The following PIBF1 variants were observed in gnomAD, a reference collection of about 807,000 sequenced individuals.
PIBF1 encodes the protein progesterone immunomodulatory binding factor 1.
Under a neutral mutation model 112.5 loss-of-function variants are expected in PIBF1, and 90 were observed. The observed-to-expected ratio is 0.80, with a 90% CI of 0.67 to 0.95. The LOEUF is 0.95. PIBF1 is among the 40% of genes least tolerant of loss of function. PIBF1 has a pLI of 0.00. For synonymous variants in PIBF1, 301 were observed against 288.6 expected, an observed-to-expected ratio of 1.04 and a Z score of -0.44; for missense variants, 915 against 852.3, an observed-to-expected ratio of 1.07 and a Z score of -0.92.
intron 6 of PIBF1, among the ~76,000 whole-genome samples, 194 bp from the exon 7 acceptor site, chr13:72,826,816 T>C (rs1226765947): frequency 6.6e-6 from 1 of 152,214 alleles, no homozygotes; most frequent in Admixed American, 6.5e-5. Context: ...TTGATATGTA[T>C]GTATTTGAAC....
intron 16 of PIBF1, among the ~76,000 whole-genome samples, chr13:72,989,450 A>T (rs1223175456): frequency 6.6e-6 from 1 of 152,204 alleles, no homozygotes; most frequent in Non-Finnish European, 1.5e-5. Context: ...CTTTAAAAAC[A>T]TTATACTAAG....
chr13:72,935,781 G>C (rs912930592), intron 14 of PIBF1, among the ~76,000 whole-genome samples: 1 of 152,014 alleles, frequency 6.6e-6, no homozygotes, highest in Non-Finnish European at 1.5e-5. Flanking sequence ...CTCTAATGAC[G>C]AATGATTTTG....
chr13:72,868,489 T>C (rs1472370066), intron 10 of PIBF1, among the ~76,000 whole-genome samples: 2 of 152,140 alleles, frequency 1.3e-5, no homozygotes, highest in Non-Finnish European at 2.9e-5. Flanking sequence ...ATATAAGTAG[T>C]TTACAGGAAA....
intron 9 of PIBF1, among the ~76,000 whole-genome samples, chr13:72,847,039 T>C (rs903691714): frequency 2.6e-5 from 4 of 152,234 alleles, no homozygotes; most frequent in Non-Finnish European, 4.4e-5. Flanking sequence ...TTTGAAGATA[T>C]ATAGTAGTTA....
At chr13:72,794,963 G>A (rs2035118284) in intron 3 of PIBF1, among the ~76,000 whole-genome samples, 1 of 152,118 alleles carries the variant, frequency 6.6e-6, no homozygotes, top group African/African-American at 2.4e-5. Flanking sequence ...AATACCTTAT[G>A]GTGGTTCAGT....
intron 10 of PIBF1, among the ~76,000 whole-genome samples, chr13:72,877,334 C>G (rs2039452010): frequency 6.6e-6 from 1 of 152,040 alleles, no homozygotes; most frequent in South Asian, 2.1e-4. Flanking sequence ...ATGTTGGTCT[C>G]TTGGTTTCTT....
intron 11 of PIBF1, among the ~76,000 whole-genome samples, chr13:72,896,024 C>A (rs1406591376): frequency 6.6e-6 from 1 of 152,096 alleles, no homozygotes. Context: ...TCCCTGACAA[C>A]CTGCATGACT....
At chr13:72,907,497 G>A (rs2040741692) in intron 11 of PIBF1, among the ~76,000 whole-genome samples, 1 of 152,022 alleles carries the variant, frequency 6.6e-6, no homozygotes, top group South Asian at 2.1e-4. Flanking sequence ...AGTAGCAATA[G>A]TACTTTTCAA....
At chr13:73,009,253 C>G (rs2044126235) in intron 17 of PIBF1, among the ~76,000 whole-genome samples, 1 of 152,146 alleles carries the variant, frequency 6.6e-6, no homozygotes, top group African/African-American at 2.4e-5. Context: ...GTCGTGTGGC[C>G]ACACCTAGCA....
At chr13:73,012,106 C>T (rs926975682) in intron 17 of PIBF1, among the ~76,000 whole-genome samples, 2 of 152,130 alleles carry the variant, frequency 1.3e-5, no homozygotes, top group African/African-American at 4.8e-5. Flanking sequence ...AATCCCAATG[C>T]TTTGGGAGGC....
rs576410307 is a variant in PIBF1, at chr13:72,826,160, C to CA, written c.807-846dup. On this transcript the variant is annotated intron_variant, in intron 6 of 17. Coordinates refer to ENST00000326291, the MANE Select transcript of PIBF1 (RefSeq NM_006346.4). ...TAAACATTCTAAAAATAAAAAAGCACAAAATACGTATAGTAATATGTATCA... is the reference window on the plus strand; with the variant it reads ...TAAACATTCTAAAAATAAAAAAGCACAAAAATACGTATAGTAATATGTATCA... Among the ~76,000 whole-genome samples, 102 of 151,418 alleles carry CA rather than the reference C, an allele frequency of 6.7e-4. No homozygotes were observed. The Middle Eastern group carries it at 0.01, about 15-fold the overall frequency.
intron 13 of PIBF1, among the ~76,000 whole-genome samples, chr13:72,924,372 T>G (rs553673977): frequency 6.6e-6 from 1 of 151,626 alleles, no homozygotes; most frequent in East Asian, 2.0e-4. Context: ...AACTTCGGAG[T>G]ATGGTTTCTA....
chr13:72,806,851 G>A (rs1213593213), intron 5 of PIBF1, among the ~76,000 whole-genome samples: 1 of 152,132 alleles, frequency 6.6e-6, no homozygotes, highest in Non-Finnish European at 1.5e-5. Context: ...ATAGTAGCAT[G>A]ATTTATAATC....
At position 73,013,315 on chromosome 13, in the gene PIBF1, A is replaced by AG. The variant is rs1298972710; in HGVS notation, c.2224-2554_2224-2553insG. 5.6e-4 allele frequency among the ~76,000 whole-genome samples: 53 copies of AG among 94,904 alleles called. 2 individuals carry two copies. The highest frequency in any genetic ancestry group is 7.1e-4 in the African/African-American group (19 of 26,936). 62.3% of individuals were successfully genotyped at this position (94,904 alleles called of 152,430 possible). A position where few individuals can be genotyped will look rare whatever the true frequency, so the allele number is the denominator to read the frequency against. On this transcript the variant is annotated intron_variant, in intron 17 of 17. Coordinates refer to ENST00000326291, the MANE Select transcript of PIBF1 (RefSeq NM_006346.4). Reference sequence around the variant, plus strand: ...GACTCTGTCTCAAAAAAAAAAAAAAAAAAAAAAAAAAGAAAATATTAGAAG... The same window carrying AG: ...GACTCTGTCTCAAAAAAAAAAAAAAAGAAAAAAAAAAAGAAAATATTAGAAG...
At chr13:72,994,189 G>A (rs960702428) in intron 16 of PIBF1, among the ~76,000 whole-genome samples, 1 of 151,940 alleles carries the variant, frequency 6.6e-6, no homozygotes, top group Non-Finnish European at 1.5e-5. Flanking sequence ...GAGGGAAGTG[G>A]AAGAAATAGT....
chr13:72,836,112 A>G (rs1052151690), intron 9 of PIBF1: 3 of 452,354 alleles, frequency 6.6e-6, no homozygotes, highest in African/African-American at 6.1e-5. Flanking sequence ...AAAAAAAAAG[A>G]AAAAAGAAAT....
In PIBF1 at chr13:73,015,936, C is replaced by T. The variant is rs927738663; in HGVS notation, c.*17C>T. ...AAGACCTAGTGTTTTGGATGGGAAGCACCTGTAGACCATTATATACTCCTG... is the reference window on the plus strand; with the variant it reads ...AAGACCTAGTGTTTTGGATGGGAAGTACCTGTAGACCATTATATACTCCTG... On this transcript the variant is annotated 3_prime_UTR_variant, in exon 18 of 18. Coordinates refer to ENST00000326291, the MANE Select transcript of PIBF1 (RefSeq NM_006346.4). 5 of 1,549,396 alleles carry T rather than the reference C, an allele frequency of 3.2e-6. No homozygotes were observed. The highest frequency in any genetic ancestry group is 1.7e-4 in the Middle Eastern group (1 of 5,878).
At chr13:72,826,953 G>A in intron 6 of PIBF1, 57 bp from the exon 7 acceptor site, 1 of 969,734 alleles carries the variant, frequency 1.0e-6, no homozygotes, top group Non-Finnish European at 1.5e-6. Context: ...CTTTTAAAGT[G>A]TACGCTGTAC....
intron 10 of PIBF1, among the ~76,000 whole-genome samples, chr13:72,891,835 A>C (rs1356183655): frequency 6.6e-6 from 1 of 152,140 alleles, no homozygotes; most frequent in African/African-American, 2.4e-5. Flanking sequence ...TGGATAAGCA[A>C]AATGTGATGT....
Sources: allele counts gnomAD v4.1 joint callset (sites outside exome capture counted in the v4.1 genomes callset), GRCh38; gene constraint gnomAD v4.1.1; transcripts MANE v1.5; gene names NCBI Gene and HGNC (gene_info 2026-07-23, HGNC 2026-07-21).